The following CSF1R variants were observed in gnomAD, a reference collection of about 807,000 sequenced individuals.
CSF1R encodes the protein macrophage colony-stimulating factor 1 receptor.
Under a neutral mutation model 110.0 loss-of-function variants are expected in CSF1R, and 40 were observed. The observed-to-expected ratio is 0.36, with a 90% CI of 0.28 to 0.47. CSF1R has a LOEUF of 0.47. Ranked by LOEUF, CSF1R falls within the 20% of genes least tolerant of loss-of-function variation. The pLI is 0.99. For missense variants in CSF1R, 1,052 were observed against 1,253.0 expected, an observed-to-expected ratio of 0.84 and a Z score of 2.42; for synonymous variants, 523 against 503.4, an observed-to-expected ratio of 1.04 and a Z score of -0.52.
At chr5:150,056,446 A>G in intron 16 of CSF1R, 105 bp from the exon 17 acceptor site, 1 of 1,423,806 alleles carries the variant, frequency 7.0e-7, no homozygotes, top group Non-Finnish European at 9.6e-7. Flanking sequence ...TCCCTGCTGG[A>G]GTGAACAACA....
chr5:150,079,913 C>T (rs1478605262), intron 3 of CSF1R, 139 bp downstream of exon 3: 2 of 1,061,540 alleles, frequency 1.9e-6, no homozygotes, highest in Non-Finnish European at 2.7e-6. Context: ...GATCGTGGAA[C>T]CATTGAGGGG....
rs368040968 is a variant in CSF1R, at chr5:150,080,015, C to T, written c.592+37G>A. Reference sequence around the variant, plus strand: ...TGGCCGCCGGCTCTCTGTCCCCACTCTTCAGGCCTGGCTGCCGGTCCCCAT... The same window carrying T: ...TGGCCGCCGGCTCTCTGTCCCCACTTTTCAGGCCTGGCTGCCGGTCCCCAT... On this transcript the variant is annotated intron_variant, in intron 3 of 20. Transcript: ENST00000675795. The T allele has an allele frequency of 6.3e-6, 10 of 1,597,764 alleles. No homozygotes were observed. In the African/African-American group the frequency reaches 1.3e-4, roughly 21 times the overall value.
intron 3 of CSF1R, 130 bp downstream of exon 3, chr5:150,079,922 G>A: frequency 8.9e-7 from 1 of 1,127,378 alleles, no homozygotes; most frequent in South Asian, 1.5e-5. Flanking sequence ...ACCATTGAGG[G>A]GAAGAAGTGA....
chr5:150,100,290 C>CTTTTTTTTTTTT lies in CSF1R; in HGVS notation c.-181+12959_-181+12970dup, dbSNP rs752638971. ...AGTGAACCTAAGATCATTGGCTAAC[C>CTTTTTTTTTTTT]TTTTTTTTTTTTTTTTTTTTTTTCT... On this transcript the variant is annotated intron_variant, in intron 1 of 21. Transcript: ENST00000286301. Among the ~76,000 whole-genome samples the CTTTTTTTTTTTT allele has an allele frequency of 3.8e-4, 34 of 89,376 alleles. 1 individual carries two copies. Among genetic ancestry groups the CTTTTTTTTTTTT allele is most frequent in the Non-Finnish European group, 5.0e-4 (24 of 48,172 alleles). The allele number at this position is 89,376 out of a possible 152,430, so 58.6% of individuals were successfully genotyped here.
rs1024527839 is a variant in CSF1R, at chr5:150,053,548, G to A, written c.*521C>T. ...CTGTGGAGTGAAGGCGGCGTATAGGGCAGAGACTAAGAGGTCCTGTGAGAT... is the reference window on the plus strand; with the variant it reads ...CTGTGGAGTGAAGGCGGCGTATAGGACAGAGACTAAGAGGTCCTGTGAGAT... On this transcript the variant is annotated 3_prime_UTR_variant, in exon 21 of 21. Coordinates refer to ENST00000675795, the MANE Select transcript of CSF1R (RefSeq NM_001288705.3). The A allele has an allele frequency of 5.4e-5, 13 of 241,592 alleles. No homozygotes were observed. The highest frequency in any genetic ancestry group is 8.9e-5 in the Non-Finnish European group (11 of 123,196). 15.0% of individuals were successfully genotyped at this position (241,592 alleles called of 1,614,324 possible).
intron 6 of CSF1R, among the ~76,000 whole-genome samples, chr5:150,071,636 C>T (rs960947135): frequency 6.6e-6 from 1 of 152,190 alleles, no homozygotes; most frequent in Non-Finnish European, 1.5e-5. Context: ...AATTCTGTGG[C>T]TGTTTGGTGT....
chr5:150,073,173 C>A, intron 6 of CSF1R, 128 bp downstream of exon 6: 3 of 879,322 alleles, frequency 3.4e-6, no homozygotes, highest in Non-Finnish European at 5.2e-6. Flanking sequence ...AAGCGAAGCC[C>A]AGAAAGGGGC....
chr5:150,068,340 A>G lies in CSF1R; in HGVS notation c.1511-10T>C, dbSNP rs774369645. ...GGATGCGTGTGGGCTCCTGGAAGGC[A>G]TGAAGCAAAGCAGTGAGCAGGCAGG... On this transcript the variant is annotated splice_polypyrimidine_tract_variant and intron_variant, in intron 9 of 20. Transcript: ENST00000675795. 7 of 1,609,318 alleles carry G rather than the reference A, an allele frequency of 4.3e-6. No individual in the cohort carries two copies. In the South Asian group the frequency reaches 7.7e-5, roughly 18 times the overall value.
At chr5:150,112,730 C>T (rs1008494269) in intron 1 of CSF1R, among the ~76,000 whole-genome samples, 28 of 152,284 alleles carry the variant, frequency 1.8e-4, no homozygotes, top group African/African-American at 2.9e-4. Flanking sequence ...GCCTTATAGC[C>T]GTCGGGTATT....
At chr5:150,088,161 A>G (rs1341929867), upstream of CSF1R, among the ~76,000 whole-genome samples, 1 of 152,186 alleles carries the variant, frequency 6.6e-6, no homozygotes, top group Non-Finnish European at 1.5e-5. Flanking sequence ...ATGAGTGTAT[A>G]TATGTACTTT....
intron 10 of CSF1R, among the ~76,000 whole-genome samples, chr5:150,066,734 G>C (rs1319956022): frequency 6.6e-6 from 1 of 152,052 alleles, no homozygotes; most frequent in Non-Finnish European, 1.5e-5. Flanking sequence ...AGCCCCAAGG[G>C]GGTGTGGGGA....
intron 5 of CSF1R, among the ~76,000 whole-genome samples, chr5:150,075,234 A>G (rs571008337): frequency 1.3e-4 from 20 of 152,056 alleles, no homozygotes; most frequent in Admixed American, 3.3e-4. Context: ...TCTATTATTC[A>G]TCCATCCATT....
intron 6 of CSF1R, 37 bp downstream of exon 6, chr5:150,073,264 T>A: frequency 6.3e-7 from 1 of 1,583,144 alleles, no homozygotes; most frequent in Non-Finnish European, 8.6e-7. Flanking sequence ...CCCCATCTGG[T>A]TGTCGGGCTG....
At chr5:150,072,458 C>T (rs1164515912) in intron 6 of CSF1R, among the ~76,000 whole-genome samples, 7 of 152,194 alleles carry the variant, frequency 4.6e-5, no homozygotes, top group African/African-American at 1.7e-4. Context: ...TGTGCCATTG[C>T]ACTCCAGCAA....
intron 14 of CSF1R, chr5:150,058,399 A>G: frequency 6.8e-6 from 3 of 441,454 alleles, no homozygotes; most frequent in South Asian, 4.8e-5. Flanking sequence ...AGAGATGTGT[A>G]CCTTGACAAT....
At chr5:150,082,174 C>T (rs556081211) in intron 1 of CSF1R, among the ~76,000 whole-genome samples, 11 of 152,340 alleles carry the variant, frequency 7.2e-5, no homozygotes, top group African/African-American at 2.4e-4. Context: ...ACTGGCTGAC[C>T]CTGGCCATCC....
chr5:150,095,592 G>A (rs924288109), intron 1 of CSF1R, among the ~76,000 whole-genome samples: 1 of 151,276 alleles, frequency 6.6e-6, no homozygotes, highest in African/African-American at 2.4e-5. Context: ...AATGGTCTAA[G>A]GCTACCACCT....
At chr5:150,055,887 TG>T in intron 18 of CSF1R, 138 bp downstream of exon 18, 2 of 714,034 alleles carry the variant, frequency 2.8e-6, no homozygotes, top group Non-Finnish European at 4.7e-6. Flanking sequence ...GCCACGATGC[TG>T]GGTTTCGAGA....
intron 10 of CSF1R, among the ~76,000 whole-genome samples, chr5:150,062,634 A>G (rs897714812): frequency 2.0e-5 from 3 of 152,236 alleles, no homozygotes; most frequent in Admixed American, 6.5e-5. Flanking sequence ...GCCCATCCAC[A>G]TACTTTCTTG....
Sources: allele counts gnomAD v4.1 joint callset (sites outside exome capture counted in the v4.1 genomes callset), GRCh38; gene constraint gnomAD v4.1.1; transcripts MANE v1.5; gene names NCBI Gene and HGNC (gene_info 2026-07-23, HGNC 2026-07-21).